TASP1: variants seen among roughly 807,000 people sequenced by gnomAD.
TASP1 encodes the protein taspase 1.
TASP1 carries 16 observed loss-of-function variants against 56.6 expected under a neutral mutation model. That is an observed-to-expected ratio of 0.28 (90% CI 0.19 to 0.43). The LOEUF (loss-of-function observed/expected upper bound fraction) is 0.43, where lower values mean the gene tolerates loss of function less well. Among genes scored for constraint, TASP1 ranks in the 20% least tolerant of loss-of-function variants. The probability of loss-of-function intolerance (pLI) is 1.00; values close to 1 mark genes in which losing one functional copy is unlikely to be tolerated. For missense variants in TASP1, 393 were observed against 511.6 expected, an observed-to-expected ratio of 0.77 and a Z score of 2.24; for synonymous variants, 179 against 184.2, an observed-to-expected ratio of 0.97 and a Z score of 0.23.
At chr20:13,404,334 G>A (rs1004315752) in intron 13 of TASP1, among the ~76,000 whole-genome samples, 4 of 152,198 alleles carry the variant, frequency 2.6e-5, no homozygotes, top group African/African-American at 7.2e-5. Flanking sequence ...GGTGTGCAGT[G>A]GCTCACACTT....
the TASP1 span, among the ~76,000 whole-genome samples, chr20:13,160,305 T>C: frequency 2.0e-5 from 3 of 152,220 alleles, no homozygotes; most frequent in African/African-American, 7.2e-5. Context: ...GCCAACACTG[T>C]GACCACTCAG....
At chr20:13,225,333 C>A in the TASP1 span, among the ~76,000 whole-genome samples, 1 of 152,150 alleles carries the variant, frequency 6.6e-6, no homozygotes, top group Non-Finnish European at 1.5e-5. Flanking sequence ...ACTGCAAGTT[C>A]TTGATAAAGT....
At chr20:13,375,408 T>A in the TASP1 span, among the ~76,000 whole-genome samples, 2 of 152,204 alleles carry the variant, frequency 1.3e-5, no homozygotes, top group South Asian at 2.1e-4. Flanking sequence ...GCAAAGGATA[T>A]AAACTCATTC....
chr20:13,150,492 T>C, the TASP1 span, among the ~76,000 whole-genome samples: 3 of 152,226 alleles, frequency 2.0e-5, no homozygotes, highest in Non-Finnish European at 2.9e-5. Flanking sequence ...CCTATCTCTT[T>C]CTTTAAAACC....
At chr20:13,136,009 T>C in the TASP1 span, among the ~76,000 whole-genome samples, 1 of 152,230 alleles carries the variant, frequency 6.6e-6, no homozygotes, top group African/African-American at 2.4e-5. Context: ...AGAAAAGGTA[T>C]ACAGAATTTC....
intron 13 of TASP1, among the ~76,000 whole-genome samples, chr20:13,415,441 TTTC>T (rs1285123486): frequency 8.3e-6 from 1 of 120,072 alleles, no homozygotes; most frequent in African/African-American, 2.6e-5. Context: ...GTTTTGGGGT[TTTC>T]TTTTTTTTTT....
chr20:13,577,520 G>C (rs548081200), intron 6 of TASP1, among the ~76,000 whole-genome samples: 1 of 152,098 alleles, frequency 6.6e-6, no homozygotes, highest in Non-Finnish European at 1.5e-5. Context: ...TTTGGAGATG[G>C]GGCCTTTGGG....
the TASP1 span, among the ~76,000 whole-genome samples, chr20:13,209,559 ATT>A: frequency 6.6e-6 from 1 of 152,356 alleles, no homozygotes. Flanking sequence ...GATTCAATAT[ATT>A]CAGTGCTAGA....
At chr20:13,240,325 G>A in the TASP1 span, among the ~76,000 whole-genome samples, 1 of 152,202 alleles carries the variant, frequency 6.6e-6, no homozygotes, top group Non-Finnish European at 1.5e-5. Flanking sequence ...GGGAGCAAAA[G>A]ATAGGGAATA....
At chr20:13,509,328 G>A (rs1220487399) in intron 10 of TASP1, among the ~76,000 whole-genome samples, 1 of 152,070 alleles carries the variant, frequency 6.6e-6, no homozygotes, top group African/African-American at 2.4e-5. Context: ...GAGAATAGAA[G>A]AGTGTTTACC....
At chr20:13,245,945 G>A in the TASP1 span, among the ~76,000 whole-genome samples, 373 of 152,174 alleles carry the variant, frequency 2.5e-3, no homozygotes, top group Non-Finnish European at 4.0e-3. Context: ...CCCTCTTTCC[G>A]GTTGCAAAAA....
chr20:13,429,396 T>A (rs1178781877), intron 12 of TASP1, among the ~76,000 whole-genome samples: 1 of 151,868 alleles, frequency 6.6e-6, no homozygotes, highest in Non-Finnish European at 1.5e-5. Flanking sequence ...GTGGCCAGAG[T>A]TGAGACATTG....
chr20:13,633,944 T>A (rs1197601862), intron 1 of TASP1, among the ~76,000 whole-genome samples: 2 of 152,174 alleles, frequency 1.3e-5, no homozygotes, highest in East Asian at 1.9e-4. Flanking sequence ...AAATTCATCA[T>A]GATTATTTCT....
At chr20:13,637,502 CGAT>C (rs2049352167) in intron 1 of TASP1, among the ~76,000 whole-genome samples, 1 of 152,120 alleles carries the variant, frequency 6.6e-6, no homozygotes, top group Non-Finnish European at 1.5e-5. Flanking sequence ...GTCCATCGAC[CGAT>C]GATGGTTAAG....
the TASP1 span, among the ~76,000 whole-genome samples, chr20:13,305,667 G>A: frequency 1.3e-5 from 2 of 152,166 alleles, no homozygotes; most frequent in Admixed American, 6.5e-5. Context: ...AAGGCAGAAA[G>A]TTTACAGCCA....
the TASP1 span, among the ~76,000 whole-genome samples, chr20:13,145,627 GA>G: frequency 5.3e-5 from 8 of 150,112 alleles, no homozygotes; most frequent in African/African-American, 1.5e-4. Flanking sequence ...TACAAAACTA[GA>G]AAAAAAAAGA....
At chr20:13,373,616 A>C in the TASP1 span, among the ~76,000 whole-genome samples, 1 of 152,100 alleles carries the variant, frequency 6.6e-6, no homozygotes. Context: ...ATAAAAAGTC[A>C]GTTGTTCATT....
At chr20:13,590,644 G>T in intron 4 of TASP1, among the ~76,000 whole-genome samples, 1 of 152,066 alleles carries the variant, frequency 6.6e-6, no homozygotes, top group Non-Finnish European at 1.5e-5. Flanking sequence ...AAGGCGGGAG[G>T]ATTACAAGGT....
chr20:13,184,523 C>A, the TASP1 span, among the ~76,000 whole-genome samples: 1 of 152,278 alleles, frequency 6.6e-6, no homozygotes, highest in South Asian at 2.1e-4. Flanking sequence ...TAATCTTTCA[C>A]AATCACAAGC....
Sources: allele counts gnomAD v4.1 joint callset (sites outside exome capture counted in the v4.1 genomes callset), GRCh38; gene constraint gnomAD v4.1.1; transcripts MANE v1.5; gene names NCBI Gene and HGNC (gene_info 2026-07-23, HGNC 2026-07-21).